IL36G: variants seen among roughly 807,000 people sequenced by gnomAD.
IL36G encodes the protein interleukin-36 gamma.
A neutral mutation model predicts 13.5 loss-of-function variants in IL36G; 10 were observed. The observed-to-expected ratio is 0.74, with a 90% CI of 0.46 to 1.26. The LOEUF (loss-of-function observed/expected upper bound fraction) is 1.26. IL36G is among the 50% of genes most tolerant of loss of function. The pLI is 0.00. For missense variants in IL36G, 199 were observed against 203.0 expected (o/e 0.98, Z 0.12); for synonymous variants, 84 against 74.0 (o/e 1.13, Z -0.69).
Position 112,978,694 on chromosome 2 carries a change from G to C in IL36G, c.55+1G>C, listed in dbSNP as rs1321827970. Reference sequence around the variant, plus strand: ...GGAGGAAGGGCCGTCTATCAATCAAGTGAATCAAATGCTGTTGGGATGGGG... The same window carrying C: ...GGAGGAAGGGCCGTCTATCAATCAACTGAATCAAATGCTGTTGGGATGGGG... On this transcript the variant is annotated splice_donor_variant, in intron 2 of 4. Transcript: ENST00000259205. LOFTEE classifies it high-confidence loss of function. The C allele has an allele frequency of 6.2e-7, 1 of 1,614,096 alleles. No homozygotes were observed. The highest frequency in any genetic ancestry group is 8.5e-7 in the Non-Finnish European group (1 of 1,179,986).
At chr2:112,984,362 C>A (rs1356218234) in intron 4 of IL36G, among the ~76,000 whole-genome samples, 2 of 152,114 alleles carry the variant, frequency 1.3e-5, no homozygotes, top group South Asian at 2.1e-4. Flanking sequence ...TTGTTAGACC[C>A]TCTTGGGTCT....
chr2:112,978,712 G>T lies in IL36G; in HGVS notation c.55+19G>T, dbSNP rs1558817060. ...CAATCAAGTGAATCAAATGCTGTTGGGATGGGGCTCTGGAGGCTTAGGCCC... is the reference window on the plus strand; with the variant it reads ...CAATCAAGTGAATCAAATGCTGTTGTGATGGGGCTCTGGAGGCTTAGGCCC... On this transcript the variant is annotated intron_variant, in intron 2 of 4. Transcript: ENST00000259205. The T allele has an allele frequency of 6.2e-7, 1 of 1,613,274 alleles. No individual in the cohort carries two copies. The highest frequency in any genetic ancestry group is 8.5e-7 in the Non-Finnish European group (1 of 1,179,550).
chr2:112,979,737 A>T (rs1684230704), intron 3 of IL36G, among the ~76,000 whole-genome samples: 1 of 152,150 alleles, frequency 6.6e-6, no homozygotes, highest in Admixed American at 6.5e-5. Context: ...CCCCATCTCC[A>T]TGTGCTCAAG....
At chr2:112,979,373 G>A (rs1684222929) in intron 3 of IL36G, 48 bp downstream of exon 3, 1 of 1,125,116 alleles carries the variant, frequency 8.9e-7, no homozygotes, top group Non-Finnish European at 1.3e-6. Flanking sequence ...TGCTGTGGCT[G>A]GGAAGCTGGC....
chr2:112,981,258 C>A, intron 4 of IL36G: 2 of 1,394,206 alleles, frequency 1.4e-6, no homozygotes. Flanking sequence ...CCAGCATCAG[C>A]TTTTCCCTTT....
Position 112,978,676 on chromosome 2 carries a change from G to C in IL36G, c.38G>C (p.Arg13Thr), listed in dbSNP as rs776035980. Residue 13 changes from arginine (R) to threonine (T), a missense_variant, in exon 2 of 5, where the codon AGG (arginine) becomes ACG (threonine). Transcript: ENST00000259205. ...GTPGDADGGG[R>T]AVYQSMCKPI... Reference sequence around the variant, plus strand: ...CCAGGAGACGCTGATGGTGGAGGAAGGGCCGTCTATCAATCAAGTGAATCA... The same window carrying C: ...CCAGGAGACGCTGATGGTGGAGGAACGGCCGTCTATCAATCAAGTGAATCA... 74 of 1,614,030 alleles carry C rather than the reference G, an allele frequency of 4.6e-5. 1 individual carries two copies. In the Admixed American group the frequency reaches 1.1e-3, roughly 24 times the overall value.
intron 1 of IL36G, 43 bp from the exon 2 acceptor site, chr2:112,978,577 A>G: frequency 6.6e-7 from 1 of 1,520,442 alleles, no homozygotes; most frequent in Non-Finnish European, 9.1e-7. Context: ...AAGGTCTTGG[A>G]AACATCTCTT....
rs1276670608 is a variant in IL36G at position 112,985,490 on chromosome 2, T to C, written c.*441T>C. 6.1e-6 allele frequency: 1 copy of C among 163,746 alleles called. No homozygotes were observed. The highest frequency in any genetic ancestry group is 1.4e-5 in the Non-Finnish European group (1 of 73,920). The allele number at this position is 163,746 out of a possible 1,614,324, so 10.1% of individuals were successfully genotyped here. A position where few individuals can be genotyped will look rare whatever the true frequency, so the allele number is the denominator to read the frequency against. The stretch of plus-strand genomic sequence containing the variant: ...TCATCCAGTCTTTATATGTTGCCAA[T>C]ATACCTCATTGTGTGTAATAGAACC... On this transcript the variant is annotated 3_prime_UTR_variant, in exon 5 of 5. Coordinates refer to ENST00000259205, the MANE Select transcript of IL36G (RefSeq NM_019618.4).
chr2:112,982,178 C>A (rs1684275723), intron 4 of IL36G, among the ~76,000 whole-genome samples: 1 of 152,118 alleles, frequency 6.6e-6, no homozygotes, highest in Admixed American at 6.5e-5. Flanking sequence ...ACCAGCAGTA[C>A]CAGGAACACA....
At chr2:112,979,986 C>G (rs893463549) in intron 3 of IL36G, 23 bp from the exon 4 acceptor site, 1 of 1,605,756 alleles carries the variant, frequency 6.2e-7, no homozygotes, top group Non-Finnish European at 8.5e-7. Context: ...AAACTGATAC[C>G]ATCTCTCCTC....
At position 112,985,019 on chromosome 2, in the gene IL36G, C is replaced by G; in HGVS notation, c.480C>G (p.Asn160Lys). The change falls in exon 5 of 5, where the codon AAC becomes AAG. Residue 160 changes from asparagine to lysine, a missense_variant. Physicochemically the swap from Asn to Lys is moderately conservative, Grantham distance 94. Coordinates refer to ENST00000259205, the MANE Select transcript of IL36G (RefSeq NM_019618.4). ...CTTCAGAACTTGGGAAGTCATACAA[C>G]ACTGCCTTTGAATTAAATATAAATG... Reference protein sequence around the residue: ...ILTSELGKSYNTAFELNIND With the variant: ...ILTSELGKSYKTAFELNIND The G allele has an allele frequency of 6.2e-7, 1 of 1,613,900 alleles. No individual in the cohort carries two copies. Among genetic ancestry groups the G allele is most frequent in the Non-Finnish European group, 8.5e-7 (1 of 1,179,850 alleles).
In IL36G at chr2:112,984,980, G is replaced by A. The variant is rs1245166027; in HGVS notation, c.441G>A (p.Gln147=). The A allele has an allele frequency of 1.2e-6, 2 of 1,614,070 alleles. No individual in the cohort carries two copies. Among genetic ancestry groups the A allele is most frequent in the South Asian group, 1.1e-5 (1 of 91,070 alleles). ...DWFIASSKRD[Q]PIILTSELGK... The stretch of plus-strand genomic sequence containing the variant: ...TCATTGCCTCCTCCAAGAGAGACCA[G>A]CCCATCATTCTGACTTCAGAACTTG... The change falls in exon 5 of 5, where the codon CAG becomes CAA. Residue 147 remains glutamine (Q), a synonymous_variant. Transcript: ENST00000259205.
intron 4 of IL36G, among the ~76,000 whole-genome samples, chr2:112,982,628 G>A (rs1333826053): frequency 6.6e-6 from 1 of 152,148 alleles, no homozygotes; most frequent in Non-Finnish European, 1.5e-5. Context: ...ATTTTAAGTG[G>A]AGGAAACAGG....
intron 4 of IL36G, among the ~76,000 whole-genome samples, chr2:112,984,567 T>A (rs534229560): frequency 7.2e-5 from 11 of 152,320 alleles, no homozygotes; most frequent in African/African-American, 2.6e-4. Flanking sequence ...AGAAGAGTTC[T>A]AACTTGTTGT....
At chr2:112,979,703 G>A (rs1033311435) in intron 3 of IL36G, among the ~76,000 whole-genome samples, 1 of 152,222 alleles carries the variant, frequency 6.6e-6, no homozygotes, top group African/African-American at 2.4e-5. Context: ...CCAAGAATCA[G>A]AGGGGCTGCT....
At chr2:112,978,183 T>G (rs1684198688) in intron 1 of IL36G, 105 bp downstream of exon 1, 1 of 188,006 alleles carries the variant, frequency 5.3e-6, no homozygotes, top group African/African-American at 2.3e-5. Context: ...GCTGGCTCTG[T>G]GCTTTGTCCT....
rs1278123888 is a variant in IL36G, at chr2:112,978,655, G to A, written c.17G>A (p.Gly6Glu). 2 of 1,614,062 alleles carry A rather than the reference G, an allele frequency of 1.2e-6. No individual in the cohort carries two copies. The highest frequency in any genetic ancestry group is 1.7e-6 in the Non-Finnish European group (2 of 1,180,040). ...AACCACACTATGAGAGGCACTCCAG[G>A]AGACGCTGATGGTGGAGGAAGGGCC... MRGTP[G>E]DADGGGRAVY... Residue 6 changes from glycine (G) to glutamate (E), a missense_variant, in exon 2 of 5, where the codon GGA becomes GAA. Gly to Glu is a moderately conservative substitution (Grantham distance 98). Transcript: ENST00000259205.
chr2:112,979,902 C>A, intron 3 of IL36G, 107 bp from the exon 4 acceptor site: 3 of 1,084,714 alleles, frequency 2.8e-6, no homozygotes, highest in Non-Finnish European at 4.0e-6. Context: ...TGGGATTACA[C>A]TCTTCAGCTC....
At chr2:112,983,677 A>T (rs1377554654) in intron 4 of IL36G, among the ~76,000 whole-genome samples, 2 of 152,066 alleles carry the variant, frequency 1.3e-5, no homozygotes, top group Non-Finnish European at 2.9e-5. Context: ...GAGTGGTAAG[A>T]AGGCAGGGCA....
Sources: gnomAD v4.1 joint callset for allele counts (sites outside exome capture counted in the v4.1 genomes callset) on GRCh38, gnomAD v4.1.1 for gene constraint, MANE v1.5 for transcripts, NCBI Gene and HGNC (gene_info 2026-07-23, HGNC 2026-07-21) for gene names.